Variants in ADGRD1 observed in about 807,000 individuals in gnomAD.
The protein encoded by ADGRD1 is G-protein coupled receptor 133.
Under a neutral mutation model 113.4 loss-of-function variants are expected in ADGRD1, and 77 were observed. The ratio of observed to expected loss-of-function variants is 0.68; its 90% CI spans 0.57 to 0.82. The LOEUF (loss-of-function observed/expected upper bound fraction) is 0.82, where lower values mean the gene tolerates loss of function less well. ADGRD1 is among the 40% of genes least tolerant of loss of function. The probability of loss-of-function intolerance (pLI) is 0.00; values close to 1 mark genes in which losing one functional copy is unlikely to be tolerated. For synonymous variants in ADGRD1, 474 were observed against 475.0 expected (o/e 1.00, Z 0.03); for missense variants, 1,036 against 1,139.1 (o/e 0.91, Z 1.30).
chr12:131,085,486 C>G (rs1167218533), intron 15 of ADGRD1, among the ~76,000 whole-genome samples: 1 of 152,104 alleles, frequency 6.6e-6, no homozygotes, highest in Non-Finnish European at 1.5e-5. Context: ...GAGTTTCATT[C>G]TAGATGCATA....
rs939257291 is a variant in ADGRD1, at chr12:131,060,463, T to C, written c.1474-16338T>C. Among the ~76,000 whole-genome samples, 1 of 152,182 alleles carries C rather than the reference T, an allele frequency of 6.6e-6. No homozygotes were observed. Among genetic ancestry groups the C allele is most frequent in the Admixed American group, 6.5e-5 (1 of 15,290 alleles). Reference sequence around the variant, plus strand: ...TCAAAAGACCCAGCAGCATGGACAATGCTGTGTCAGAGCGATGCTGGCTGT... The same window carrying C: ...TCAAAAGACCCAGCAGCATGGACAACGCTGTGTCAGAGCGATGCTGGCTGT... On this transcript the variant is annotated intron_variant, in intron 13 of 24. Transcript: ENST00000261654. This position sits in a 1 kb window ranked among gnomAD's most constrained non-coding sequence, Gnocchi z 4.4.
intron 13 of ADGRD1, among the ~76,000 whole-genome samples, chr12:131,046,527 TCCCTCCCTGATCAGTGCC>T (rs1882816095): frequency 1.3e-5 from 1 of 77,428 alleles, no homozygotes; most frequent in African/African-American, 7.3e-5. Flanking sequence ...TGGTCAATGC[TCCCTCCCTGATCAGTGCC>T]CCCTCCCTGG....
chr12:131,074,053 C>G (rs1190146927), intron 13 of ADGRD1, among the ~76,000 whole-genome samples: 1 of 152,250 alleles, frequency 6.6e-6, no homozygotes, highest in Non-Finnish European at 1.5e-5. Context: ...GGGGCATTAA[C>G]AGGCTATCAT....
intron 5 of ADGRD1, among the ~76,000 whole-genome samples, chr12:130,982,655 C>T (rs1295345559): frequency 3.3e-5 from 5 of 152,112 alleles, no homozygotes; most frequent in East Asian, 3.9e-4. Flanking sequence ...TAGGGGAGAG[C>T]GCATGAAGCA....
chr12:131,055,998 C>T (rs1245393356), intron 13 of ADGRD1, among the ~76,000 whole-genome samples: 1 of 152,196 alleles, frequency 6.6e-6, no homozygotes, highest in Non-Finnish European at 1.5e-5. Flanking sequence ...AAACCCACAC[C>T]ATTATTTTCA....
In ADGRD1 at chr12:130,954,510, G is replaced by A; in HGVS notation, c.45G>A (p.Leu15=). 1 of 1,600,768 alleles carries A rather than the reference G, an allele frequency of 6.2e-7. No homozygotes were observed. The highest frequency in any genetic ancestry group is 1.3e-5 in the African/African-American group (1 of 74,588). The change falls in exon 1 of 25, where the codon CTG becomes CTA. Residue 15 remains leucine, a synonymous_variant. Transcript: ENST00000261654. The surrounding 1 kb of genome is among the most constrained non-coding windows in gnomAD (Gnocchi z 4.7). ...TGTGCTGCTGGTACTCCTGGCTGCT[G>A]CTATTTTATTACAACTTTCAGGTAA... ...LRLCCWYSWL[L]LFYYNFQVRG... is the part of the protein sequence containing the mutation.
intron 17 of ADGRD1, among the ~76,000 whole-genome samples, chr12:131,107,970 G>T (rs576427858): frequency 2.0e-5 from 3 of 152,138 alleles, no homozygotes; most frequent in Non-Finnish European, 4.4e-5. Flanking sequence ...TAAGGGACAC[G>T]CCCTGGCTGT....
chr12:131,060,560 G>A lies in ADGRD1; in HGVS notation c.1474-16241G>A. Among the ~76,000 whole-genome samples, 1 of 152,174 alleles carries A rather than the reference G, an allele frequency of 6.6e-6. No individual in the cohort carries two copies. Among genetic ancestry groups the A allele is most frequent in the Non-Finnish European group, 1.5e-5 (1 of 68,026 alleles). On this transcript the variant is annotated intron_variant, in intron 13 of 24. Transcript: ENST00000261654. This position sits in a 1 kb window ranked among gnomAD's most constrained non-coding sequence, Gnocchi z 4.4. The stretch of plus-strand genomic sequence containing the variant: ...CTGGGTGACAGAGGCCGTGGCCAAG[G>A]GGGCCTTACGGACACCAGCAGCCTC...
At chr12:131,089,816 G>T (rs12814673) in intron 15 of ADGRD1, among the ~76,000 whole-genome samples, 19,208 of 152,168 alleles carry the variant, frequency 0.13, 1,263 homozygotes, top group Middle Eastern at 0.19. Flanking sequence ...GGTCACATCA[G>T]GGGGCAGAGC....
At chr12:130,997,032 G>A (rs1157837241) in intron 8 of ADGRD1, among the ~76,000 whole-genome samples, 3 of 132,678 alleles carry the variant, frequency 2.3e-5, no homozygotes, top group Admixed American at 7.1e-5. Flanking sequence ...CCTCCCTCCC[G>A]GACGGGGCGG....
At chr12:131,090,753 G>A (rs767913963) in intron 15 of ADGRD1, among the ~76,000 whole-genome samples, 1 of 152,224 alleles carries the variant, frequency 6.6e-6, no homozygotes, top group South Asian at 2.1e-4. Context: ...AGCATCTGGC[G>A]ACTTCCAGTG....
At chr12:130,979,834 C>T (rs1872738089) in intron 4 of ADGRD1, among the ~76,000 whole-genome samples, 1 of 148,954 alleles carries the variant, frequency 6.7e-6, no homozygotes, top group African/African-American at 2.6e-5. Context: ...CACACACACA[C>T]ACACACACAC....
intron 2 of ADGRD1, among the ~76,000 whole-genome samples, chr12:130,955,110 C>G (rs1482619472): frequency 8.6e-6 from 1 of 116,780 alleles, no homozygotes; most frequent in Non-Finnish European, 1.9e-5. Context: ...CAGGTGTGCA[C>G]CACTACACCC....
In ADGRD1 at chr12:130,992,300, A is replaced by T. The variant is rs1201184075; in HGVS notation, c.874A>T (p.Ser292Cys). 1.2e-6 allele frequency: 2 copies of T among 1,613,484 alleles called. No homozygotes were observed. Among genetic ancestry groups the T allele is most frequent in the South Asian group, 2.2e-5 (2 of 91,050 alleles). The change falls in exon 8 of 25, where the codon AGT (serine) becomes TGT (cysteine). Residue 292 changes from serine (S) to cysteine (C), a missense_variant. Physicochemically the swap from Ser to Cys is moderately radical, Grantham distance 112 (BLOSUM62 -1). Coordinates refer to ENST00000261654, the MANE Select transcript of ADGRD1 (RefSeq NM_198827.5). ...GACAGAAGAGAGAAAAACCTTCCAAAGTCCCGGAGTGATACTGAGTTACCT... is the reference window on the plus strand; with the variant it reads ...GACAGAAGAGAGAAAAACCTTCCAATGTCCCGGAGTGATACTGAGTTACCT... ...NLTEERKTFQ[S>C]PGVILSYLQN...
intron 13 of ADGRD1, chr12:131,035,513 G>A (rs147279990): frequency 6.6e-5 from 10 of 152,368 alleles, no homozygotes; most frequent in Middle Eastern, 3.4e-3. Context: ...TGTTTTCTAC[G>A]TAGAATAAAT....
chr12:131,104,920 C>T lies in ADGRD1; in HGVS notation c.1761C>T (p.Thr587=). The T allele has an allele frequency of 6.5e-7, 1 of 1,550,220 alleles. No homozygotes were observed. The highest frequency in any genetic ancestry group is 8.7e-7 in the Non-Finnish European group (1 of 1,146,268). ...SVLCLVATLV[T]FAVLSSVSTI... ...TCTGCCTGGTGGCCACGCTGGTCAC[C>T]TTCGCCGTGCTGTCGTGAGTCCCCT... Residue 587 remains threonine (T), a synonymous_variant, in exon 16 of 25, where the codon ACC becomes ACT. Coordinates refer to ENST00000261654, the MANE Select transcript of ADGRD1 (RefSeq NM_198827.5).
chr12:131,078,284 G>C (rs763911182), intron 14 of ADGRD1, among the ~76,000 whole-genome samples: 4 of 152,200 alleles, frequency 2.6e-5, no homozygotes, highest in Non-Finnish European at 5.9e-5. Context: ...CCCAGCTCCT[G>C]TCACCTCCAG....
chr12:131,095,126 G>A (rs773965433), intron 15 of ADGRD1, among the ~76,000 whole-genome samples: 19 of 152,182 alleles, frequency 1.2e-4, no homozygotes, highest in Admixed American at 2.6e-4. Flanking sequence ...CAGTCCCCCC[G>A]ACTCTCAGGC....
chr12:131,018,367 G>A (rs747606117), intron 13 of ADGRD1, among the ~76,000 whole-genome samples: 3 of 152,070 alleles, frequency 2.0e-5, no homozygotes, highest in Non-Finnish European at 2.9e-5. Flanking sequence ...GTTAAATCCC[G>A]CCTTGCCCCT....
Sources: gnomAD v4.1 joint callset for allele counts (sites outside exome capture counted in the v4.1 genomes callset) on GRCh38, gnomAD v4.1.1 for gene constraint, Gnocchi (gnomAD v3.1) non-coding constraint, MANE v1.5 for transcripts, NCBI Gene and HGNC (gene_info 2026-07-23, HGNC 2026-07-21) for gene names.